CMIP: variants seen among roughly 807,000 people sequenced by gnomAD.
CMIP encodes the protein c-Maf inducing protein.
Under a neutral mutation model 97.3 loss-of-function variants are expected in CMIP, and 13 were observed. The observed-to-expected ratio is 0.13, with a 90% CI of 0.09 to 0.21. The LOEUF (loss-of-function observed/expected upper bound fraction) is 0.21. CMIP is among the 10% of genes least tolerant of loss of function. The pLI, the probability that CMIP is intolerant of heterozygous loss-of-function variation, is 1.00. For synonymous variants in CMIP, 538 were observed against 436.3 expected (o/e 1.23, Z -2.91); for missense variants, 847 against 1,024.9 (o/e 0.83, Z 2.37).
intron 3 of CMIP, among the ~76,000 whole-genome samples, chr16:81,623,711 G>A (rs1180320634): frequency 6.6e-6 from 1 of 152,208 alleles, no homozygotes; most frequent in Non-Finnish European, 1.5e-5. Context: ...GGTACCGCCA[G>A]CTAGCCAAAT....
intron 1 of CMIP, among the ~76,000 whole-genome samples, chr16:81,523,389 A>G (rs1365719648): frequency 1.3e-5 from 2 of 152,132 alleles, no homozygotes; most frequent in Non-Finnish European, 2.9e-5. Context: ...GCGAGGCCTG[A>G]ATGGGGGACA....
intron 1 of CMIP, chr16:81,476,343 C>T (rs1271016280): frequency 5.7e-6 from 8 of 1,406,204 alleles, no homozygotes; most frequent in South Asian, 1.2e-5. Context: ...GATACATAAA[C>T]CCTGGAATGT....
intron 1 of CMIP, among the ~76,000 whole-genome samples, chr16:81,553,878 C>A (rs2090710657): frequency 6.6e-6 from 1 of 152,166 alleles, no homozygotes; most frequent in South Asian, 2.1e-4. Context: ...GACACGTGGC[C>A]CCCCTGGCCC....
chr16:81,462,302 A>G (rs1360191516), intron 1 of CMIP, among the ~76,000 whole-genome samples: 1 of 152,162 alleles, frequency 6.6e-6, no homozygotes, highest in Admixed American at 6.5e-5. Context: ...GCTGAAAGCT[A>G]TGGATCCTTG....
rs539122528 is a variant in CMIP at position 81,711,367 on chromosome 16, A to C, written c.*1568A>C. The C allele has an allele frequency of 1.3e-5, 2 of 151,308 alleles. No homozygotes were observed. Among genetic ancestry groups the C allele is most frequent in the South Asian group, 4.2e-4 (2 of 4,786 alleles). 9.4% of individuals were successfully genotyped at this position (151,308 alleles called of 1,614,324 possible). ...TTTATTACCCCCCCACTATGCCCTC[A>C]TTTTTTTAAAAAAGGAAAAAAAAAA... On this transcript the variant is annotated 3_prime_UTR_variant, in exon 21 of 21. Coordinates refer to ENST00000537098, the MANE Select transcript of CMIP (RefSeq NM_198390.3).
chr16:81,593,519 G>A (rs529844365), intron 1 of CMIP, among the ~76,000 whole-genome samples: 12 of 152,328 alleles, frequency 7.9e-5, no homozygotes, highest in South Asian at 2.1e-4. Context: ...GCACCAGGCC[G>A]ACTCCAAGCC....
rs747319802 is a variant in CMIP, at chr16:81,661,755, C to A, written c.744+809C>A. Among the ~76,000 whole-genome samples, 4 of 152,166 alleles carry A rather than the reference C, an allele frequency of 2.6e-5. No individual in the cohort carries two copies. In the South Asian group the frequency reaches 6.2e-4, roughly 24 times the overall value. On this transcript the variant is annotated intron_variant, in intron 6 of 20. Coordinates refer to ENST00000537098, the MANE Select transcript of CMIP (RefSeq NM_198390.3). ...CCCTTGCCGCCCCTTCCCGGCCCCCCACCCCTCACCCCAGGGAGTCCTCTG... is the reference window on the plus strand; with the variant it reads ...CCCTTGCCGCCCCTTCCCGGCCCCCAACCCCTCACCCCAGGGAGTCCTCTG...
At chr16:81,642,650 A>G (rs2092319229) in intron 3 of CMIP, among the ~76,000 whole-genome samples, 1 of 152,170 alleles carries the variant, frequency 6.6e-6, no homozygotes, top group African/African-American at 2.4e-5. Context: ...AAGAAATTGC[A>G]GTGTATCTGC....
At chr16:81,468,733 C>T (rs1907354099) in intron 1 of CMIP, among the ~76,000 whole-genome samples, 1 of 152,212 alleles carries the variant, frequency 6.6e-6, no homozygotes, top group African/African-American at 2.4e-5. Flanking sequence ...AGCAGGGTCC[C>T]TGGAGAGAAG....
At chr16:81,584,419 T>G (rs2091347117) in intron 1 of CMIP, among the ~76,000 whole-genome samples, 1 of 152,086 alleles carries the variant, frequency 6.6e-6, no homozygotes, top group South Asian at 2.1e-4. Context: ...GTTTTTAGGT[T>G]GTTTGTTTCA....
At chr16:81,498,438 C>G (rs577484973) in intron 1 of CMIP, among the ~76,000 whole-genome samples, 1 of 152,224 alleles carries the variant, frequency 6.6e-6, no homozygotes. Flanking sequence ...TGCACCGAGT[C>G]CCCCTGGGGC....
At chr16:81,476,763 G>A (rs926994413) in intron 1 of CMIP, among the ~76,000 whole-genome samples, 2 of 152,204 alleles carry the variant, frequency 1.3e-5, no homozygotes, top group African/African-American at 4.8e-5. Context: ...CAATGCCACA[G>A]TGAACATCTT....
intron 1 of CMIP, among the ~76,000 whole-genome samples, chr16:81,592,442 C>T (rs1295625505): frequency 6.6e-6 from 1 of 152,248 alleles, no homozygotes; most frequent in South Asian, 2.1e-4. Flanking sequence ...AAGGCCACCT[C>T]TGGGCAGCCC....
intron 1 of CMIP, among the ~76,000 whole-genome samples, chr16:81,505,385 C>T (rs555626804): frequency 6.6e-6 from 1 of 152,332 alleles, no homozygotes; most frequent in African/African-American, 2.4e-5. Flanking sequence ...TGGGCCTGGT[C>T]CTCCAGACCC....
chr16:81,699,691 A>G lies in CMIP; in HGVS notation c.1645A>G (p.Ile549Val). The change falls in exon 15 of 21, where the codon ATC becomes GTC. Residue 549 changes from isoleucine to valine, a missense_variant. By Grantham distance (29) the Ile-to-Val change is conservative (BLOSUM62 3). This residue lies in a region of CMIP where 266 missense variants were observed against 384.2 expected (regional missense o/e 0.69). Coordinates refer to ENST00000537098, the MANE Select transcript of CMIP (RefSeq NM_198390.3). ...GGGCCTTCTTGCCTCACAGGTGCAC[A>G]TCCTCATGGGCTCCTGTTACAAGAC... ...DGELFASMVH[I>V]LMGSCYKTKK... 1 of 1,611,340 alleles carries G rather than the reference A, an allele frequency of 6.2e-7. No homozygotes were observed. The highest frequency in any genetic ancestry group is 8.5e-7 in the Non-Finnish European group (1 of 1,177,876).
intron 1 of CMIP, among the ~76,000 whole-genome samples, chr16:81,575,120 C>A (rs1481161886): frequency 6.6e-6 from 1 of 152,182 alleles, no homozygotes; most frequent in East Asian, 1.9e-4. Flanking sequence ...TTCATGCCAG[C>A]CATATGCTAA....
chr16:81,570,851 C>A (rs1176921265), intron 1 of CMIP, among the ~76,000 whole-genome samples: 5 of 152,138 alleles, frequency 3.3e-5, no homozygotes, highest in Non-Finnish European at 1.5e-5. Flanking sequence ...CAGAGCCCTC[C>A]TGTGTCCCAG....
At chr16:81,702,768 G>A in intron 17 of CMIP, 99 bp downstream of exon 17, 1 of 1,075,106 alleles carries the variant, frequency 9.3e-7, no homozygotes, top group Admixed American at 2.0e-5. Context: ...GATGGGAGGT[G>A]ATGGAGGGCG....
chr16:81,521,383 C>G (rs898670804), intron 1 of CMIP, among the ~76,000 whole-genome samples: 1 of 152,090 alleles, frequency 6.6e-6, no homozygotes, highest in South Asian at 2.1e-4. Flanking sequence ...TGCCACCCCC[C>G]CCCGAATAGC....
Sources: allele counts gnomAD v4.1 joint callset (sites outside exome capture counted in the v4.1 genomes callset), GRCh38; gene constraint gnomAD v4.1.1; regional missense constraint gnomAD v4.1.1; transcripts MANE v1.5; gene names NCBI Gene and HGNC (gene_info 2026-07-23, HGNC 2026-07-21).